Variants in GALNTL6 observed in about 807,000 individuals in gnomAD.
GALNTL6 encodes the protein polypeptide N-acetylgalactosaminyltransferase-like 6.
GALNTL6 carries 46 observed loss-of-function variants against 73.7 expected under a neutral mutation model. The ratio of observed to expected loss-of-function variants is 0.62; its 90% CI spans 0.49 to 0.80. The LOEUF (loss-of-function observed/expected upper bound fraction) is 0.80. Among genes scored for constraint, GALNTL6 ranks in the 30% least tolerant of loss-of-function variants. GALNTL6 has a pLI of 0.00. For missense variants in GALNTL6, 604 were observed against 755.0 expected, an observed-to-expected ratio of 0.80 and a Z score of 2.34; for synonymous variants, 259 against 263.7, an observed-to-expected ratio of 0.98 and a Z score of 0.17.
At chr4:172,191,196 A>C (rs1357926561) in intron 2 of GALNTL6, among the ~76,000 whole-genome samples, 1 of 152,176 alleles carries the variant, frequency 6.6e-6, no homozygotes, top group Non-Finnish European at 1.5e-5. Context: ...TGTTCACATA[A>C]ACTAGGGTTA....
At chr4:172,298,487 G>A (rs1319524233) in intron 3 of GALNTL6, among the ~76,000 whole-genome samples, 2 of 152,170 alleles carry the variant, frequency 1.3e-5, no homozygotes, top group East Asian at 3.9e-4. Flanking sequence ...ATTGGCTCTG[G>A]GTTTGTCACA....
intron 3 of GALNTL6, among the ~76,000 whole-genome samples, chr4:172,291,060 A>C (rs1177696645): frequency 6.6e-6 from 1 of 152,058 alleles, no homozygotes; most frequent in Non-Finnish European, 1.5e-5. Flanking sequence ...GGAATAATAG[A>C]AGCTTATTAT....
chr4:172,296,284 T>C (rs1355818712), intron 3 of GALNTL6, among the ~76,000 whole-genome samples: 1 of 152,208 alleles, frequency 6.6e-6, no homozygotes, highest in Non-Finnish European at 1.5e-5. Context: ...ATATTGAATG[T>C]TAAGCCAACA....
intron 2 of GALNTL6, among the ~76,000 whole-genome samples, chr4:171,865,345 A>C (rs956953727): frequency 2.6e-5 from 4 of 152,118 alleles, no homozygotes; most frequent in African/African-American, 9.7e-5. Flanking sequence ...AGAAAGCAAC[A>C]CAGAAAAACA....
At chr4:172,564,810 C>T (rs901731583) in intron 5 of GALNTL6, among the ~76,000 whole-genome samples, 1 of 152,218 alleles carries the variant, frequency 6.6e-6, no homozygotes, top group African/African-American at 2.4e-5. Context: ...ACATCCTCAG[C>T]TTTCTCCGAG....
At chr4:172,761,669 T>TCTCTC (rs1553985721) in intron 5 of GALNTL6, among the ~76,000 whole-genome samples, 3,988 of 147,256 alleles carry the variant, frequency 0.027, 108 homozygotes, top group African/African-American at 0.065. Context: ...CTTGCTCTCT[T>TCTCTC]TCTCTCTCTC....
At chr4:172,176,066 G>A (rs1278497779) in intron 2 of GALNTL6, among the ~76,000 whole-genome samples, 5 of 151,968 alleles carry the variant, frequency 3.3e-5, no homozygotes, top group African/African-American at 7.2e-5. Flanking sequence ...CAGGCTGGGC[G>A]CGGTGGCTCA....
intron 2 of GALNTL6, among the ~76,000 whole-genome samples, chr4:171,887,503 A>T (rs1464260149): frequency 6.6e-6 from 1 of 152,206 alleles, no homozygotes; most frequent in African/African-American, 2.4e-5. Context: ...GTTTGCAAGG[A>T]ATACTACTTG....
At chr4:172,076,153 C>T (rs1731697375) in intron 2 of GALNTL6, among the ~76,000 whole-genome samples, 1 of 152,170 alleles carries the variant, frequency 6.6e-6, no homozygotes, top group South Asian at 2.1e-4. Flanking sequence ...CCAAGAAAGT[C>T]CTCATTATTG....
chr4:172,230,342 C>A (rs1215381419), intron 3 of GALNTL6, among the ~76,000 whole-genome samples: 1 of 152,106 alleles, frequency 6.6e-6, no homozygotes, highest in Non-Finnish European at 1.5e-5. Flanking sequence ...GGTCTTTCCA[C>A]TTTGGGAGAC....
rs144576321 is a variant in GALNTL6 at position 171,942,504 on chromosome 4, T to C, written c.138+127786T>C. On this transcript the variant is annotated intron_variant, in intron 2 of 12. Transcript: ENST00000506823. ...TTCTAATACAATAATACACAAAATA[T>C]GTAGGCTAGATTTCCTTGCTTGAGA... Among the ~76,000 whole-genome samples the C allele has an allele frequency of 1.7e-3, 261 of 152,276 alleles. 2 individuals are homozygous for C. Among genetic ancestry groups the C allele is most frequent in the Admixed American group, 0.012 (178 of 15,284 alleles).
At chr4:172,094,306 T>C (rs539952594) in intron 2 of GALNTL6, among the ~76,000 whole-genome samples, 1 of 152,310 alleles carries the variant, frequency 6.6e-6, no homozygotes, top group African/African-American at 2.4e-5. Context: ...GACTTTAAGA[T>C]TGTATAACAC....
At chr4:172,258,720 A>G (rs550454269) in intron 3 of GALNTL6, among the ~76,000 whole-genome samples, 94 of 151,316 alleles carry the variant, frequency 6.2e-4, no homozygotes, top group African/African-American at 2.1e-3. Context: ...ATTGAACCCA[A>G]TGTGTAGCCT....
At chr4:172,132,920 T>C (rs1168053623) in intron 2 of GALNTL6, among the ~76,000 whole-genome samples, 5 of 152,200 alleles carry the variant, frequency 3.3e-5, no homozygotes, top group Non-Finnish European at 7.4e-5. Flanking sequence ...TGGGACATTT[T>C]CTGCCTTCAT....
intron 7 of GALNTL6, among the ~76,000 whole-genome samples, chr4:172,877,415 G>A (rs1386908424): frequency 6.6e-6 from 1 of 151,862 alleles, no homozygotes; most frequent in East Asian, 1.9e-4. Context: ...AAGGCTACAA[G>A]CATTAAGTAC....
intron 5 of GALNTL6, among the ~76,000 whole-genome samples, chr4:172,610,958 T>C (rs1250210651): frequency 2.0e-5 from 3 of 152,078 alleles, no homozygotes; most frequent in Non-Finnish European, 4.4e-5. Flanking sequence ...TCTTTTTGGA[T>C]CATTGTTCAT....
At position 172,952,102 on chromosome 4, in the gene GALNTL6, G is replaced by T; in HGVS notation, c.1215G>T (p.Pro405=). 2 of 1,614,104 alleles carry T rather than the reference G, an allele frequency of 1.2e-6. No individual in the cohort carries two copies. Among genetic ancestry groups the T allele is most frequent in the Non-Finnish European group, 1.7e-6 (2 of 1,180,000 alleles). ...EFAEYIYQRR[P]EYRHLSTGDI... The stretch of plus-strand genomic sequence containing the variant: ...CCGAGTACATTTACCAGCGGCGGCC[G>T]GAGTACAGGCATCTCTCCACGGGGG... The change falls in exon 10 of 13, where the codon CCG becomes CCT. Residue 405 remains proline, a synonymous_variant. Coordinates refer to ENST00000506823, the MANE Select transcript of GALNTL6 (RefSeq NM_001034845.3).
Position 172,912,541 on chromosome 4 carries a change from T to C in GALNTL6, c.1042-18620T>C, listed in dbSNP as rs200175987. Among the ~76,000 whole-genome samples, 8 of 152,266 alleles carry C rather than the reference T, an allele frequency of 5.3e-5. No individual in the cohort carries two copies. The East Asian group carries it at 1.5e-3, about 29-fold the overall frequency. On this transcript the variant is annotated intron_variant, in intron 8 of 12. Coordinates refer to ENST00000506823, the MANE Select transcript of GALNTL6 (RefSeq NM_001034845.3). ...TAATACTGCGCTTTTCCAATTGTCA[T>C]AGCAAATGGCACACCAGGAGATTAT...
chr4:172,178,850 C>T (rs1579219923), intron 2 of GALNTL6, among the ~76,000 whole-genome samples: 1 of 118,528 alleles, frequency 8.4e-6, no homozygotes, highest in East Asian at 2.5e-4. Context: ...ATTCCCCTTC[C>T]TGTGTCCATG....
Sources: allele counts gnomAD v4.1 joint callset (sites outside exome capture counted in the v4.1 genomes callset), GRCh38; gene constraint gnomAD v4.1.1; transcripts MANE v1.5; gene names NCBI Gene and HGNC (gene_info 2026-07-23, HGNC 2026-07-21).